The following WDR18 variants were observed in gnomAD, a reference collection of about 807,000 sequenced individuals.
The protein encoded by WDR18 is WD repeat domain 18.
In WDR18, 33 loss-of-function variants were observed where a neutral mutation model predicts 49.6. The observed-to-expected ratio is 0.67, with a 90% CI of 0.50 to 0.89. The LOEUF (loss-of-function observed/expected upper bound fraction) is 0.89. Among genes scored for constraint, WDR18 ranks in the 40% least tolerant of loss-of-function variants. The pLI is 0.00. For missense variants in WDR18, 653 were observed against 593.6 expected (o/e 1.10, Z -1.04); for synonymous variants, 315 against 263.6 (o/e 1.19, Z -1.89).
chr19:990,532 C>A, intron 4 of WDR18, 168 bp downstream of exon 4: 1 of 1,065,884 alleles, frequency 9.4e-7, no homozygotes, highest in Non-Finnish European at 1.3e-6. Context: ...GTCTGCCAGC[C>A]TGGAAATTCC....
chr19:989,881 T>A lies in WDR18; in HGVS notation c.441T>A (p.Val147=). The change falls in exon 3 of 10, where the codon GTT becomes GTA. Residue 147 remains valine (V), a synonymous_variant. Coordinates refer to ENST00000585809, the MANE Select transcript of WDR18 (RefSeq NM_024100.4). ...GGGGCAAGGACTGCCTGGTGCTGGT[T>A]TGGAGCCTCTGCAGGTAGCGCCTTG... ...ISGGKDCLVL[V]WSLCSVLQAD... 1 of 1,610,106 alleles carries A rather than the reference T, an allele frequency of 6.2e-7. No homozygotes were observed. Among genetic ancestry groups the A allele is most frequent in the Non-Finnish European group, 8.5e-7 (1 of 1,178,472 alleles).
In WDR18 at chr19:991,978, C is replaced by T. The variant is rs778477543; in HGVS notation, c.955C>T (p.Leu319=). The T allele has an allele frequency of 2.5e-6, 4 of 1,594,426 alleles. No homozygotes were observed. Among genetic ancestry groups the T allele is most frequent in the Admixed American group, 1.7e-5 (1 of 59,256 alleles). ...LKGPVTNAAI[L]LAPVSMLSSD... ...AGGCCCAGTCACCAATGCCGCCATCCTGCTGGCGCCCGTCAGCATGCTGAG... is the reference window on the plus strand; with the variant it reads ...AGGCCCAGTCACCAATGCCGCCATCTTGCTGGCGCCCGTCAGCATGCTGAG... The change falls in exon 8 of 10, where the codon CTG becomes TTG. Residue 319 remains leucine, a synonymous_variant. Coordinates refer to ENST00000585809, the MANE Select transcript of WDR18 (RefSeq NM_024100.4).
intron 8 of WDR18, among the ~76,000 whole-genome samples, chr19:992,432 C>G (rs1258038480): frequency 6.6e-6 from 1 of 152,240 alleles, no homozygotes; most frequent in Non-Finnish European, 1.5e-5. Context: ...TGCAAAAGGC[C>G]GATGCCCCAT....
intron 2 of WDR18, 33 bp downstream of exon 2, chr19:986,008 G>T (rs1374160419): frequency 1.2e-6 from 2 of 1,600,736 alleles, no homozygotes; most frequent in East Asian, 2.2e-5. Context: ...GTTTCCCACA[G>T]GACATCTCAG....
intron 2 of WDR18, 59 bp from the exon 3 acceptor site, chr19:989,703 C>T: frequency 1.2e-6 from 2 of 1,600,420 alleles, no homozygotes; most frequent in Non-Finnish European, 1.7e-6. Context: ...GGGCTGCAGC[C>T]CCCCTTTCCT....
chr19:991,472 CGTGGACTGGCTGT>C, intron 7 of WDR18, 121 bp downstream of exon 7: 1 of 335,740 alleles, frequency 3.0e-6, no homozygotes, highest in Non-Finnish European at 3.6e-6. Flanking sequence ...GGGCTGGGGG[CGTGGACTGGCTGT>C]GGGGCGGGGC....
chr19:988,821 C>T (rs1367965543), intron 2 of WDR18, among the ~76,000 whole-genome samples: 1 of 152,168 alleles, frequency 6.6e-6, no homozygotes. Flanking sequence ...GCACTTCTCT[C>T]AGCTTACAAC....
chr19:991,051 T>C, intron 5 of WDR18, 30 bp from the exon 6 acceptor site: 2 of 1,600,960 alleles, frequency 1.2e-6, no homozygotes, highest in Non-Finnish European at 1.7e-6. Context: ...GCATCGGGCC[T>C]GCGGCTCACA....
intron 2 of WDR18, 72 bp downstream of exon 2, chr19:986,047 A>T: frequency 6.8e-7 from 1 of 1,465,196 alleles, no homozygotes; most frequent in Admixed American, 1.7e-5. Flanking sequence ...GCAGGGCACC[A>T]GGGAACAACC....
Position 989,899 on chromosome 19 carries a change from G to A in WDR18, c.455+4G>A. On this transcript the variant is annotated splice_donor_region_variant and intron_variant, in intron 3 of 9. Transcript: ENST00000585809. ...TGCTGGTTTGGAGCCTCTGCAGGTAGCGCCTTGCGCACTCAGGCCTGCACC... is the reference window on the plus strand; with the variant it reads ...TGCTGGTTTGGAGCCTCTGCAGGTAACGCCTTGCGCACTCAGGCCTGCACC... 1 of 1,601,032 alleles carries A rather than the reference G, an allele frequency of 6.2e-7. No individual in the cohort carries two copies. The highest frequency in any genetic ancestry group is 1.7e-5 in the Admixed American group (1 of 58,574).
Position 989,768 on chromosome 19 carries a change from A to C in WDR18, c.328A>C (p.Thr110Pro). Residue 110 changes from threonine (T) to proline (P), a missense_variant, in exon 3 of 10, where the codon ACC (threonine) becomes CCC (proline). By Grantham distance (38) the Thr-to-Pro change is conservative. Coordinates refer to ENST00000585809, the MANE Select transcript of WDR18 (RefSeq NM_024100.4). ...AESIHLWEVS[T>P]GNLLVILSRH... ...TACCCTCTGCCCCTCACAGGTCTCC[A>C]CCGGGAACCTTCTGGTCATCCTGAG... 6.2e-7 allele frequency: 1 copy of C among 1,612,560 alleles called. No individual in the cohort carries two copies.
rs71335286 is a variant in WDR18, at chr19:993,487, T to C, written c.1099-533T>C. Reference sequence around the variant, plus strand: ...TCCAATCCAGCTGACACTGGAATGTTGGCCTGTCCCACAGACAGGCGCTGC... The same window carrying C: ...TCCAATCCAGCTGACACTGGAATGTCGGCCTGTCCCACAGACAGGCGCTGC... On this transcript the variant is annotated intron_variant, in intron 8 of 9. Transcript: ENST00000585809. Among the ~76,000 whole-genome samples the C allele has an allele frequency of 2.0e-5, 3 of 152,256 alleles. No individual in the cohort carries two copies. In the East Asian group the frequency reaches 5.8e-4, roughly 29 times the overall value.
chr19:992,010 C>G lies in WDR18; in HGVS notation c.987C>G (p.Asp329Glu), dbSNP rs999228396. ...CGCCCGTCAGCATGCTGAGCTCAGA[C>G]TTCAGGCCCAGCCTGCCGCTGCCCC... ...LLAPVSMLSSDFRPSLPLPHF... is the reference protein window; with the variant it reads ...LLAPVSMLSSEFRPSLPLPHF... Residue 329 changes from aspartate to glutamate, a missense_variant, in exon 8 of 10, where the codon GAC becomes GAG. Transcript: ENST00000585809. The G allele has an allele frequency of 1.3e-6, 2 of 1,597,806 alleles. No individual in the cohort carries two copies. Among genetic ancestry groups the G allele is most frequent in the African/African-American group, 2.7e-5 (2 of 73,702 alleles).
In WDR18 at chr19:991,083, C is replaced by T. The variant is rs771858007; in HGVS notation, c.744C>T (p.Pro248=). ...SIFQVDLFTW[P]GQRERSFHPE... is the part of the protein sequence containing the mutation. ...CACACACGTCTCGGCCTTCGCAGCC[C>T]GGACAGAGGGAGAGGAGCTTCCACC... is the stretch of plus-strand genomic sequence containing the variant. Residue 248 remains proline, a splice_region_variant and synonymous_variant, in exon 6 of 10, where the codon CCC becomes CCT. Transcript: ENST00000585809. 18 of 1,603,374 alleles carry T rather than the reference C, an allele frequency of 1.1e-5. No homozygotes were observed. Among genetic ancestry groups the T allele is most frequent in the Admixed American group, 1.7e-5 (1 of 58,698 alleles).
intron 7 of WDR18, 54 bp downstream of exon 7, chr19:991,405 G>C: frequency 1.3e-6 from 2 of 1,484,656 alleles, no homozygotes; most frequent in Non-Finnish European, 1.8e-6. Flanking sequence ...AAAGCCAGCA[G>C]GAGCTCCGGG....
At chr19:991,732 ACGGG>A in intron 7 of WDR18, among the ~76,000 whole-genome samples, 1 of 2,650 alleles carries the variant, frequency 3.8e-4, no homozygotes, top group African/African-American at 1.8e-3. Flanking sequence ...CCTGGCTGGG[ACGGG>A]GCGGGGCCTG....
In WDR18 at chr19:991,287, C is replaced by CGACGA; in HGVS notation, c.871_875dup (p.Val293ArgfsTer36). 1 of 1,564,892 alleles carries CGACGA rather than the reference C, an allele frequency of 6.4e-7. No homozygotes were observed. ...GCAGCGTGCTGCTCTCAGGCTCCCACGACGAGACCGTGCGCCTCTGGGACG... is the reference window on the plus strand; with the variant it reads ...GCAGCGTGCTGCTCTCAGGCTCCCACGACGAGACGAGACCGTGCGCCTCTGGGACG... On this transcript the variant is annotated frameshift_variant, in exon 7 of 10. Coordinates refer to ENST00000585809, the MANE Select transcript of WDR18 (RefSeq NM_024100.4). LOFTEE classifies it high-confidence loss of function.
intron 2 of WDR18, 97 bp downstream of exon 2, chr19:986,072 C>T (rs2038471674): frequency 1.7e-6 from 2 of 1,183,928 alleles, no homozygotes; most frequent in Non-Finnish European, 2.5e-6. Flanking sequence ...GGCCTGGGGC[C>T]CTGGGATGGG....
chr19:991,959 A>C lies in WDR18; in HGVS notation c.936A>C (p.Pro312=). 1.3e-6 allele frequency: 2 copies of C among 1,586,664 alleles called. No individual in the cohort carries two copies. Among genetic ancestry groups the C allele is most frequent in the African/African-American group, 1.4e-5 (1 of 73,210 alleles). The part of the protein sequence containing the change: ...QCIRTVALKG[P]VTNAAILLAP... ...CCTGACCTCCGCGCCCCCCAGGCCC[A>C]GTCACCAATGCCGCCATCCTGCTGG... Residue 312 remains proline (P), a synonymous_variant, in exon 8 of 10, where the codon CCA becomes CCC. Transcript: ENST00000585809.
Sources: gnomAD v4.1 joint callset for allele counts (sites outside exome capture counted in the v4.1 genomes callset) on GRCh38, gnomAD v4.1.1 for gene constraint, MANE v1.5 for transcripts, NCBI Gene and HGNC (gene_info 2026-07-23, HGNC 2026-07-21) for gene names.